The following CACNA1E variants were observed in gnomAD, a reference collection of about 807,000 sequenced individuals.
CACNA1E encodes calcium voltage-gated channel subunit alpha1 E.
Under a neutral mutation model 259.2 loss-of-function variants are expected in CACNA1E, and 40 were observed. The ratio of observed to expected loss-of-function variants is 0.15; its 90% CI spans 0.12 to 0.20. The LOEUF (loss-of-function observed/expected upper bound fraction) is 0.20. Ranked by LOEUF, CACNA1E falls within the 10% of genes least tolerant of loss-of-function variation. The probability of loss-of-function intolerance (pLI) is 1.00; values close to 1 mark genes in which losing one functional copy is unlikely to be tolerated. For synonymous variants in CACNA1E, 1,104 were observed against 1,138.5 expected (o/e 0.97, Z 0.61); for missense variants, 1,874 against 3,040.1 (o/e 0.62, Z 9.02).
intron 3 of CACNA1E, among the ~76,000 whole-genome samples, chr1:181,551,474 C>T (rs552257505): frequency 2.6e-4 from 39 of 152,328 alleles, no homozygotes; most frequent in African/African-American, 8.7e-4. Flanking sequence ...TCCAGAGGGT[C>T]ACTTGCTGCG....
intron 1 of CACNA1E, among the ~76,000 whole-genome samples, chr1:181,370,445 A>G (rs921993325): frequency 5.9e-5 from 9 of 152,128 alleles, no homozygotes; most frequent in African/African-American, 1.4e-4. Context: ...TCCTTCGTCA[A>G]GTAGGCCCTG....
Position 181,762,615 on chromosome 1 carries a change from C to T in CACNA1E, c.4647C>T (p.Thr1549=), listed in dbSNP as rs759613835. The change falls in exon 33 of 48, where the codon ACC becomes ACT. Residue 1549 remains threonine, a synonymous_variant. Transcript: ENST00000367573. ...CCTGGAATATCTTTGACTTCATCAC[C>T]GTGATTGGCAGTATCACAGAAATTA... is the stretch of plus-strand genomic sequence containing the variant. ...RDTWNIFDFI[T]VIGSITEIIL... is the part of the protein sequence containing the mutation. The T allele has an allele frequency of 2.5e-6, 4 of 1,608,704 alleles. No individual in the cohort carries two copies. The highest frequency in any genetic ancestry group is 1.7e-6 in the Non-Finnish European group (2 of 1,176,966).
chr1:181,599,501 G>A (rs942476119), intron 6 of CACNA1E, among the ~76,000 whole-genome samples: 4 of 152,150 alleles, frequency 2.6e-5, no homozygotes, highest in Admixed American at 6.5e-5. Context: ...AGTGCTTTTG[G>A]TATAATTTTT....
chr1:181,598,209 G>A (rs1462106379), intron 6 of CACNA1E, among the ~76,000 whole-genome samples: 1 of 152,150 alleles, frequency 6.6e-6, no homozygotes, highest in Admixed American at 6.5e-5. Context: ...TTGGAGTGCC[G>A]ACCGATTACC....
chr1:181,663,463 A>G (rs1647888474), intron 7 of CACNA1E, among the ~76,000 whole-genome samples: 2 of 152,110 alleles, frequency 1.3e-5, no homozygotes, highest in South Asian at 2.1e-4. Context: ...TCTGCTGAGG[A>G]TGTCTTTCCA....
At chr1:181,604,986 C>T (rs186983298) in intron 6 of CACNA1E, among the ~76,000 whole-genome samples, 3 of 152,112 alleles carry the variant, frequency 2.0e-5, no homozygotes, top group Admixed American at 6.5e-5. Flanking sequence ...GGAGGAGGAA[C>T]GGGCAGTTAT....
chr1:181,479,906 AG>A (rs1390938729), upstream of CACNA1E, among the ~76,000 whole-genome samples: 3 of 152,210 alleles, frequency 2.0e-5, no homozygotes, highest in Non-Finnish European at 4.4e-5. Context: ...ATGTGTTACC[AG>A]GCTCACCTCA....
intron 9 of CACNA1E, 26 bp downstream of exon 9, chr1:181,715,417 TC>T: frequency 7.0e-7 from 1 of 1,432,788 alleles, no homozygotes; most frequent in Non-Finnish European, 9.8e-7. Context: ...GATGCCTTAT[TC>T]CAGTTGCATT....
At chr1:181,428,150 A>T (rs1320808650) in intron 2 of CACNA1E, among the ~76,000 whole-genome samples, 1 of 151,844 alleles carries the variant, frequency 6.6e-6, no homozygotes, top group African/African-American at 2.4e-5. Flanking sequence ...CTATGCCCTC[A>T]CTCTCCGGAG....
In CACNA1E at chr1:181,730,004, G is replaced by T. The variant is rs551630887; in HGVS notation, c.2241-1171G>T. Reference sequence around the variant, plus strand: ...GCTGAGGGTTGTATTCAGTTGAGGAGCTCACAGGCTTCTCCACAATGATGT... The same window carrying T: ...GCTGAGGGTTGTATTCAGTTGAGGATCTCACAGGCTTCTCCACAATGATGT... On this transcript the variant is annotated intron_variant, in intron 18 of 47. Transcript: ENST00000367573. Among the ~76,000 whole-genome samples the T allele has an allele frequency of 5.3e-5, 8 of 152,280 alleles. 1 individual carries two copies. In the South Asian group the frequency reaches 1.5e-3, roughly 28 times the overall value.
At chr1:181,421,072 C>T (rs544265580) in intron 2 of CACNA1E, among the ~76,000 whole-genome samples, 1 of 152,282 alleles carries the variant, frequency 6.6e-6, no homozygotes, top group East Asian at 1.9e-4. Flanking sequence ...GGTTAAGTTA[C>T]CTGCCCAGTA....
At chr1:181,781,386 G>T in intron 38 of CACNA1E, 41 bp from the exon 39 acceptor site, 1 of 984,018 alleles carries the variant, frequency 1.0e-6, no homozygotes, top group Non-Finnish European at 1.6e-6. Flanking sequence ...CCACTGCCCC[G>T]CTAACCCACC....
intron 1 of CACNA1E, among the ~76,000 whole-genome samples, chr1:181,319,609 A>G (rs1013096950): frequency 6.6e-6 from 1 of 152,230 alleles, no homozygotes; most frequent in African/African-American, 2.4e-5. Flanking sequence ...ACTTTGTAGT[A>G]TAGTGTAATC....
intron 2 of CACNA1E, among the ~76,000 whole-genome samples, chr1:181,425,723 C>A (rs1268352671): frequency 6.6e-6 from 1 of 152,068 alleles, no homozygotes; most frequent in Non-Finnish European, 1.5e-5. Context: ...GCCACACTGT[C>A]CTCCTTCTCT....
intron 1 of CACNA1E, among the ~76,000 whole-genome samples, chr1:181,402,915 G>A (rs1290894953): frequency 6.6e-6 from 1 of 152,134 alleles, no homozygotes; most frequent in African/African-American, 2.4e-5. Flanking sequence ...TGTGACCTTG[G>A]GTAACTTTCT....
At chr1:181,609,730 C>T (rs1199469901) in intron 6 of CACNA1E, among the ~76,000 whole-genome samples, 2 of 152,172 alleles carry the variant, frequency 1.3e-5, no homozygotes, top group East Asian at 3.9e-4. Context: ...CTTATTCTCA[C>T]AGCAGTTGTG....
chr1:181,498,486 C>A (rs1297189593), intron 1 of CACNA1E, among the ~76,000 whole-genome samples: 1 of 152,164 alleles, frequency 6.6e-6, no homozygotes, highest in East Asian at 1.9e-4. Flanking sequence ...GCCAGGATTT[C>A]CATTTTTGAA....
At chr1:181,790,675 G>T in intron 44 of CACNA1E, 119 bp downstream of exon 44, 4 of 703,344 alleles carry the variant, frequency 5.7e-6, no homozygotes, top group Non-Finnish European at 1.0e-5. Flanking sequence ...TTAGCCAGTT[G>T]CCCTGGAGGT....
At chr1:181,592,618 C>T (rs1483164709) in intron 6 of CACNA1E, among the ~76,000 whole-genome samples, 1 of 152,116 alleles carries the variant, frequency 6.6e-6, no homozygotes, top group Non-Finnish European at 1.5e-5. Flanking sequence ...CAGCTTGGAA[C>T]CTGACTTTGA....
Sources: allele counts gnomAD v4.1 joint callset (sites outside exome capture counted in the v4.1 genomes callset), GRCh38; gene constraint gnomAD v4.1.1; transcripts MANE v1.5; gene names NCBI Gene and HGNC (gene_info 2026-07-23, HGNC 2026-07-21).